CAMSAP2: variants seen among roughly 807,000 people sequenced by gnomAD.
The protein encoded by CAMSAP2 is calmodulin regulated spectrin associated protein family member 2, also known as calmodulin-regulated spectrin-associated protein 2.
A neutral mutation model predicts 146.1 loss-of-function variants in CAMSAP2; 26 were observed. The observed-to-expected ratio is 0.18, with a 90% confidence interval of 0.13 to 0.25. The LOEUF (loss-of-function observed/expected upper bound fraction) is 0.25. Among genes scored for constraint, CAMSAP2 ranks in the 10% least tolerant of loss-of-function variants. The probability of loss-of-function intolerance (pLI) is 1.00; values close to 1 mark genes in which losing one functional copy is unlikely to be tolerated. For missense variants in CAMSAP2, 1,381 were observed against 1,759.3 expected (o/e 0.78, Z 3.85); for synonymous variants, 499 against 596.6 (o/e 0.84, Z 2.38).
At chr1:200,844,431 C>T (rs1430580828) in intron 7 of CAMSAP2, among the ~76,000 whole-genome samples, 1 of 151,754 alleles carries the variant, frequency 6.6e-6, no homozygotes, top group Non-Finnish European at 1.5e-5. Context: ...GCCTGTAGTC[C>T]CAGCTGCTTG....
chr1:200,779,777 G>A (rs1665382112), intron 2 of CAMSAP2, among the ~76,000 whole-genome samples: 1 of 151,780 alleles, frequency 6.6e-6, no homozygotes, highest in Admixed American at 6.6e-5. Flanking sequence ...GGTTGATCAT[G>A]TTTTTGGTCT....
intron 2 of CAMSAP2, among the ~76,000 whole-genome samples, chr1:200,800,760 G>A (rs944101866): frequency 2.0e-5 from 3 of 152,114 alleles, no homozygotes; most frequent in Middle Eastern, 3.2e-3. Flanking sequence ...TCATAGTGTC[G>A]ATGGTCTTTA....
chr1:200,836,832 C>T (rs527863084), intron 6 of CAMSAP2, among the ~76,000 whole-genome samples: 1 of 152,294 alleles, frequency 6.6e-6, no homozygotes, highest in Non-Finnish European at 1.5e-5. Flanking sequence ...TTGCATTTCT[C>T]TAATGATCAG....
rs1664514745 is a variant in CAMSAP2 at position 200,751,804 on chromosome 1, G to A, written c.140-9035G>A. ...GGTAATTAAGATGGAGAGACACAGA[G>A]GTGTTCACAGTCTGTGTGGGAATCT... On this transcript the variant is annotated intron_variant, in intron 1 of 16. Coordinates refer to ENST00000358823, the MANE Select transcript of CAMSAP2 (RefSeq NM_203459.4). Among the ~76,000 whole-genome samples, 4 of 152,144 alleles carry A rather than the reference G, an allele frequency of 2.6e-5. 1 individual carries two copies. The highest frequency in any genetic ancestry group is 4.1e-4 in the South Asian group (2 of 4,820).
At chr1:200,794,501 G>A (rs1665832183) in intron 2 of CAMSAP2, among the ~76,000 whole-genome samples, 1 of 152,178 alleles carries the variant, frequency 6.6e-6, no homozygotes, top group Admixed American at 6.6e-5. Context: ...CTGTTTTAGT[G>A]TTACTGCTAG....
At chr1:200,755,760 T>C (rs1664630130) in intron 1 of CAMSAP2, among the ~76,000 whole-genome samples, 1 of 152,196 alleles carries the variant, frequency 6.6e-6, no homozygotes, top group Non-Finnish European at 1.5e-5. Flanking sequence ...GACAGATAAG[T>C]ATCTTGCTCT....
chr1:200,785,362 C>T (rs981010807), intron 2 of CAMSAP2, among the ~76,000 whole-genome samples: 6 of 150,926 alleles, frequency 4.0e-5, no homozygotes, highest in African/African-American at 1.2e-4. Context: ...GGTATGCCAC[C>T]GGGGCTTGAT....
intron 2 of CAMSAP2, among the ~76,000 whole-genome samples, chr1:200,802,471 G>A (rs534157831): frequency 4.1e-4 from 62 of 152,296 alleles, no homozygotes; most frequent in African/African-American, 1.4e-3. Flanking sequence ...TAAATGATAT[G>A]TAAAATATTT....
chr1:200,739,674 G>T lies in CAMSAP2; in HGVS notation c.-154G>T, dbSNP rs1664091778. On this transcript the variant is annotated 5_prime_UTR_variant, in exon 1 of 17. Coordinates refer to ENST00000358823, the MANE Select transcript of CAMSAP2 (RefSeq NM_203459.4). The surrounding 1 kb of genome is among the most constrained non-coding windows in gnomAD (Gnocchi z 4.8). The stretch of plus-strand genomic sequence containing the variant: ...CGGGAGGCGGCAGGCGCGCGGCGCG[G>T]ACAGCTGAGCTTCTCCTCCGTCGGC... The T allele has an allele frequency of 1.7e-6, 1 of 590,544 alleles. No homozygotes were observed. The highest frequency in any genetic ancestry group is 7.2e-5 in the South Asian group (1 of 13,832). The allele number at this position is 590,544 out of a possible 1,614,324, so 36.6% of individuals were successfully genotyped here.
intron 2 of CAMSAP2, among the ~76,000 whole-genome samples, chr1:200,765,953 G>T (rs886749285): frequency 2.0e-5 from 3 of 152,198 alleles, no homozygotes; most frequent in African/African-American, 7.2e-5. Context: ...GAGGCTGTAA[G>T]TCTGAGTTAA....
At chr1:200,796,240 G>C (rs1410736732) in intron 2 of CAMSAP2, among the ~76,000 whole-genome samples, 2 of 151,800 alleles carry the variant, frequency 1.3e-5, no homozygotes, top group Admixed American at 6.6e-5. Context: ...ACTATTTGCT[G>C]TTCAATAGTT....
At chr1:200,763,314 G>A (rs551586795) in intron 2 of CAMSAP2, among the ~76,000 whole-genome samples, 8 of 152,092 alleles carry the variant, frequency 5.3e-5, no homozygotes, top group Non-Finnish European at 7.4e-5. Flanking sequence ...AAAGGCTGGC[G>A]GATCACCTGA....
At chr1:200,836,800 G>A (rs1667197162) in intron 6 of CAMSAP2, among the ~76,000 whole-genome samples, 2 of 152,032 alleles carry the variant, frequency 1.3e-5, no homozygotes, top group South Asian at 2.1e-4. Context: ...GGTGTGAGAT[G>A]GTATCTCATT....
chr1:200,842,378 A>T (rs185015389), intron 7 of CAMSAP2, among the ~76,000 whole-genome samples: 127 of 152,030 alleles, frequency 8.4e-4, no homozygotes, highest in Non-Finnish European at 1.4e-3. Flanking sequence ...TCCCTTTTAG[A>T]TTCTTAGTTT....
At chr1:200,822,221 C>A (rs997626117) in intron 4 of CAMSAP2, among the ~76,000 whole-genome samples, 3 of 151,776 alleles carry the variant, frequency 2.0e-5, no homozygotes, top group Non-Finnish European at 4.4e-5. Context: ...TATATCATGC[C>A]CCTTTACCCC....
intron 4 of CAMSAP2, among the ~76,000 whole-genome samples, chr1:200,822,139 T>TACACAC (rs150135269): frequency 2.9e-4 from 43 of 146,338 alleles, no homozygotes; most frequent in Admixed American, 1.2e-3. Context: ...TCTCTCGCTC[T>TACACAC]ACACACACAC....
intron 3 of CAMSAP2, among the ~76,000 whole-genome samples, chr1:200,808,453 T>C (rs1666239777): frequency 6.6e-6 from 1 of 152,236 alleles, no homozygotes; most frequent in South Asian, 2.1e-4. Flanking sequence ...CCAGGTATCC[T>C]TTCTTGAAAG....
intron 3 of CAMSAP2, among the ~76,000 whole-genome samples, chr1:200,814,622 AAAAAAAAAAAAACAAGAAGAAGAT>A (rs1372071292): frequency 7.1e-6 from 1 of 140,798 alleles, no homozygotes; most frequent in African/African-American, 2.6e-5. Flanking sequence ...AAAAAAAAAA[AAAAAAAAAAAAACAAGAAGAAGAT>A]ATGAATGATT....
chr1:200,828,332 T>G (rs1358650172), intron 4 of CAMSAP2, among the ~76,000 whole-genome samples: 3 of 152,178 alleles, frequency 2.0e-5, no homozygotes, highest in Non-Finnish European at 4.4e-5. Context: ...ATATTCTAGG[T>G]ATCCTACAAT....
Sources: allele counts gnomAD v4.1 joint callset (sites outside exome capture counted in the v4.1 genomes callset), GRCh38; gene constraint gnomAD v4.1.1; non-coding constraint Gnocchi (gnomAD v3.1); transcripts MANE v1.5; gene names NCBI Gene and HGNC (gene_info 2026-07-23, HGNC 2026-07-21).